Variants in CCDC39 observed in about 807,000 individuals in gnomAD.
CCDC39 encodes the protein coiled-coil domain-containing protein 39.
Under a neutral mutation model 121.0 loss-of-function variants are expected in CCDC39, and 113 were observed. The ratio of observed to expected loss-of-function variants is 0.93; its 90% CI spans 0.80 to 1.09. The LOEUF (loss-of-function observed/expected upper bound fraction) is 1.09. Among genes scored for constraint, CCDC39 ranks in the 50% least tolerant of loss-of-function variants. CCDC39 has a pLI of 0.00. For synonymous variants in CCDC39, 349 were observed against 352.2 expected (o/e 0.99, Z 0.10); for missense variants, 1,063 against 1,074.7 (o/e 0.99, Z 0.15).
At chr3:180,632,931 A>G (rs1388381942) in intron 13 of CCDC39, among the ~76,000 whole-genome samples, 1 of 152,238 alleles carries the variant, frequency 6.6e-6, no homozygotes, top group African/African-American at 2.4e-5. Context: ...TGATAACCAA[A>G]AAATTACCAC....
chr3:180,672,300 T>C lies in CCDC39; in HGVS notation c.90+6991A>G, dbSNP rs573180569. 1.1e-4 allele frequency among the ~76,000 whole-genome samples: 17 copies of C among 152,242 alleles called. No homozygotes were observed. The South Asian group carries it at 3.5e-3, about 32-fold the overall frequency. ...CAGCTGCTCAGAAAAAAAGGAATATTACTGCTCATTGGGCCAGGTGTGGTG... is the reference window on the plus strand; with the variant it reads ...CAGCTGCTCAGAAAAAAAGGAATATCACTGCTCATTGGGCCAGGTGTGGTG... On this transcript the variant is annotated intron_variant, in intron 1 of 19. Coordinates refer to ENST00000476379, the MANE Select transcript of CCDC39 (RefSeq NM_181426.2).
intron 1 of CCDC39, among the ~76,000 whole-genome samples, chr3:180,671,282 C>T (rs1197163573): frequency 6.6e-6 from 1 of 151,900 alleles, no homozygotes; most frequent in Non-Finnish European, 1.5e-5. Flanking sequence ...AAGTTACCAC[C>T]CTTGTTTTAG....
chr3:180,631,621 G>T (rs1317201126), intron 13 of CCDC39, 29 bp from the exon 14 acceptor site: 1 of 1,576,016 alleles, frequency 6.3e-7, no homozygotes, highest in Non-Finnish European at 8.6e-7. Context: ...ACTGAGAAAT[G>T]AATAACATAC....
chr3:180,651,716 A>C (rs1261678593), intron 8 of CCDC39, among the ~76,000 whole-genome samples, 183 bp from the exon 9 acceptor site: 1 of 152,212 alleles, frequency 6.6e-6, no homozygotes, highest in Non-Finnish European at 1.5e-5. Context: ...TGTGATGAAA[A>C]TATGAGTAAA....
chr3:180,647,647 C>G (rs940460507), intron 10 of CCDC39, among the ~76,000 whole-genome samples: 1 of 151,822 alleles, frequency 6.6e-6, no homozygotes, highest in African/African-American at 2.4e-5. Context: ...ATTAATTATT[C>G]TTAATATTAT....
chr3:180,648,382 T>A (rs761175019), intron 9 of CCDC39, 23 bp from the exon 10 acceptor site: 1 of 1,375,182 alleles, frequency 7.3e-7, no homozygotes, highest in Non-Finnish European at 9.9e-7. Flanking sequence ...ATTATAGTGA[T>A]TAATGGAATT....
intron 11 of CCDC39, among the ~76,000 whole-genome samples, chr3:180,645,807 T>C (rs1447487530): frequency 1.3e-5 from 2 of 152,072 alleles, no homozygotes; most frequent in Admixed American, 1.3e-4. Flanking sequence ...TTTATGTATC[T>C]CTCTGTTAAA....
chr3:180,671,210 CAA>C (rs67323828), intron 1 of CCDC39, among the ~76,000 whole-genome samples: 3,382 of 78,330 alleles, frequency 0.043, 122 homozygotes, highest in African/African-American at 0.13. Context: ...GACTCTGTGT[CAA>C]AAAAAAAAAA....
intron 1 of CCDC39, among the ~76,000 whole-genome samples, chr3:180,672,413 G>A (rs1159346596): frequency 6.6e-6 from 1 of 152,144 alleles, no homozygotes; most frequent in Non-Finnish European, 1.5e-5. Context: ...GGCCAACATG[G>A]TGAAACTCCA....
intron 4 of CCDC39, among the ~76,000 whole-genome samples, chr3:180,660,125 T>A (rs571658500): frequency 6.6e-6 from 1 of 152,088 alleles, no homozygotes; most frequent in Non-Finnish European, 1.5e-5. Flanking sequence ...TATCACCAGA[T>A]ATAAGTAGAT....
intron 10 of CCDC39, 125 bp from the exon 11 acceptor site, chr3:180,647,368 A>C (rs1401636979): frequency 2.6e-6 from 2 of 757,988 alleles, no homozygotes; most frequent in African/African-American, 3.6e-5. Flanking sequence ...AAGTCACTTT[A>C]GTCTTTCAGT....
chr3:180,641,882 A>G lies in CCDC39; in HGVS notation c.1874+111T>C, dbSNP rs952694219. The G allele has an allele frequency of 4.5e-6, 3 of 661,226 alleles. No individual in the cohort carries two copies. The African/African-American group carries it at 5.5e-5, about 12-fold the overall frequency. 41.0% of individuals were successfully genotyped at this position (661,226 alleles called of 1,614,324 possible). ...CTATGTCTTTCTTATATGAAAAGCC[A>G]TTTCGAATGAGTAAAAACGATGCAC... On this transcript the variant is annotated intron_variant, in intron 13 of 19. Transcript: ENST00000476379.
At chr3:180,672,602 A>G (rs1712080735) in intron 1 of CCDC39, among the ~76,000 whole-genome samples, 1 of 152,152 alleles carries the variant, frequency 6.6e-6, no homozygotes. Context: ...ATCTCAAACA[A>G]ACAAAAAATT....
At position 180,654,695 on chromosome 3, in the gene CCDC39, T is replaced by C. The variant is rs1711541653; in HGVS notation, c.930+67A>G. 6.4e-6 allele frequency: 7 copies of C among 1,091,606 alleles called. No individual in the cohort carries two copies. The East Asian group carries it at 1.1e-4, about 18-fold the overall frequency. The allele number at this position is 1,091,606 out of a possible 1,614,324, so 67.6% of individuals were successfully genotyped here. The stretch of plus-strand genomic sequence containing the variant: ...TTTCTTTATCACAGGAAAAGCTTTA[T>C]GCTTATTTTATATTTTATAGTGATT... On this transcript the variant is annotated intron_variant, in intron 7 of 19. Transcript: ENST00000476379.
intron 2 of CCDC39, among the ~76,000 whole-genome samples, 160 bp from the exon 3 acceptor site, chr3:180,662,167 T>G (rs1479663870): frequency 6.6e-6 from 1 of 152,178 alleles, no homozygotes; most frequent in Non-Finnish European, 1.5e-5. Flanking sequence ...CATTAGACTG[T>G]GATTACAATA....
chr3:180,626,895 A>T (rs1207397470), intron 14 of CCDC39, among the ~76,000 whole-genome samples: 1 of 152,204 alleles, frequency 6.6e-6, no homozygotes, highest in Non-Finnish European at 1.5e-5. Flanking sequence ...CCCAGCGTTA[A>T]ATTCTCAAAA....
chr3:180,636,487 A>G (rs1434202943), intron 13 of CCDC39, among the ~76,000 whole-genome samples: 1 of 152,208 alleles, frequency 6.6e-6, no homozygotes, highest in Non-Finnish European at 1.5e-5. Flanking sequence ...GGAAGAATCA[A>G]TGTTAAAATG....
intron 16 of CCDC39, 21 bp downstream of exon 16, chr3:180,619,238 A>G: frequency 8.2e-7 from 1 of 1,216,622 alleles, no homozygotes; most frequent in Non-Finnish European, 1.2e-6. Context: ...GCATATTACT[A>G]AAAATGCCTG....
At chr3:180,649,929 T>A (rs1272807332) in intron 9 of CCDC39, among the ~76,000 whole-genome samples, 1 of 152,240 alleles carries the variant, frequency 6.6e-6, no homozygotes, top group South Asian at 2.1e-4. Context: ...ACATAATGTG[T>A]AATTTGAATA....
Sources: allele counts gnomAD v4.1 joint callset (sites outside exome capture counted in the v4.1 genomes callset), GRCh38; gene constraint gnomAD v4.1.1; transcripts MANE v1.5; gene names NCBI Gene and HGNC (gene_info 2026-07-23, HGNC 2026-07-21).